Variants in SLC11A2 observed in about 807,000 individuals in gnomAD.
SLC11A2 encodes the protein natural resistance-associated macrophage protein 2.
Under a neutral mutation model 68.0 loss-of-function variants are expected in SLC11A2, and 38 were observed. The observed-to-expected ratio is 0.56, with a 90% CI of 0.43 to 0.73. SLC11A2 has a LOEUF of 0.73. SLC11A2 is among the 30% of genes least tolerant of loss of function. SLC11A2 has a pLI of 0.00. For missense variants in SLC11A2, 517 were observed against 690.5 expected (o/e 0.75, Z 2.82); for synonymous variants, 242 against 250.6 (o/e 0.97, Z 0.32).
chr12:50,982,859 T>C (rs1287591529), downstream of SLC11A2, among the ~76,000 whole-genome samples: 1 of 150,066 alleles, frequency 6.7e-6, no homozygotes, highest in Non-Finnish European at 1.5e-5. Context: ...GAGAAACACT[T>C]GAATCCAGGA....
At chr12:51,021,004 T>C (rs1220489035) in intron 1 of SLC11A2, among the ~76,000 whole-genome samples, 1 of 152,054 alleles carries the variant, frequency 6.6e-6, no homozygotes, top group East Asian at 1.9e-4. Flanking sequence ...GGTGGGAGGA[T>C]CCCTTGAGCC....
chr12:51,017,177 G>C (rs1475591606), intron 1 of SLC11A2, among the ~76,000 whole-genome samples: 1 of 151,632 alleles, frequency 6.6e-6, no homozygotes, highest in Non-Finnish European at 1.5e-5. Context: ...AAGGAAATAT[G>C]TACAAGGATA....
downstream of SLC11A2, among the ~76,000 whole-genome samples, chr12:50,985,193 C>A (rs185584484): frequency 2.0e-5 from 3 of 152,146 alleles, no homozygotes; most frequent in Admixed American, 2.0e-4. Context: ...ATTCATTGGT[C>A]CTACCAATGA....
At chr12:50,991,477 T>A (rs1414358812) in intron 14 of SLC11A2, 122 bp downstream of exon 14, 11 of 768,290 alleles carry the variant, frequency 1.4e-5, no homozygotes, top group Non-Finnish European at 2.5e-5. Context: ...AGGAAGCAGC[T>A]AGCAATCACC....
chr12:50,958,282 C>A, the SLC11A2 span, among the ~76,000 whole-genome samples: 1 of 133,932 alleles, frequency 7.5e-6, no homozygotes, highest in Non-Finnish European at 1.6e-5. Flanking sequence ...CTAAAATAAT[C>A]TTTTTTTTTT....
At chr12:51,028,525 A>T, upstream of SLC11A2, 1 of 314,580 alleles carries the variant, frequency 3.2e-6, no homozygotes, top group Non-Finnish European at 5.8e-6. Flanking sequence ...TGGCAGGAGC[A>T]AGAGTAGGTG....
the SLC11A2 span, among the ~76,000 whole-genome samples, chr12:50,963,395 AAAAGAAAAG>A: frequency 1.4e-5 from 2 of 146,116 alleles, no homozygotes; most frequent in Non-Finnish European, 3.0e-5. Context: ...AAAAAAAAAG[AAAAGAAAAG>A]AAAGGAAAGT....
chr12:50,998,796 T>C (rs1422737481), intron 8 of SLC11A2, among the ~76,000 whole-genome samples: 2 of 152,162 alleles, frequency 1.3e-5, no homozygotes, highest in Admixed American at 1.3e-4. Flanking sequence ...CTGCAATTAA[T>C]ATAAACCAGG....
chr12:50,969,411 T>C, the SLC11A2 span, among the ~76,000 whole-genome samples: 2 of 151,462 alleles, frequency 1.3e-5, no homozygotes, highest in Non-Finnish European at 2.9e-5. Context: ...AGAAATCTCA[T>C]ACGTAAGGCC....
upstream of SLC11A2, among the ~76,000 whole-genome samples, chr12:51,026,771 T>C (rs562531781): frequency 1.3e-5 from 2 of 152,116 alleles, no homozygotes; most frequent in Non-Finnish European, 2.9e-5. Context: ...GGCTCACACT[T>C]GTAATGCCCA....
At chr12:51,018,874 A>G (rs1284804257) in intron 1 of SLC11A2, among the ~76,000 whole-genome samples, 1 of 152,248 alleles carries the variant, frequency 6.6e-6, no homozygotes, top group Non-Finnish European at 1.5e-5. Flanking sequence ...CTAGTCTTAC[A>G]GCTGAAAAGG....
chr12:51,005,783 G>T, intron 3 of SLC11A2: 1 of 935,016 alleles, frequency 1.1e-6, no homozygotes, highest in African/African-American at 1.7e-5. Context: ...GTGCTGTGTG[G>T]TGTGTGCCTA....
At position 51,005,432 on chromosome 12, in the gene SLC11A2, G is replaced by C. The variant is rs764830058; in HGVS notation, c.188C>G (p.Ser63Cys). 9.3e-6 allele frequency: 15 copies of C among 1,613,568 alleles called. No homozygotes were observed. The highest frequency in any genetic ancestry group is 4.0e-5 in the African/African-American group (3 of 74,892). The change falls in exon 4 of 16, where the codon TCT (serine) becomes TGT (cysteine). Residue 63 changes from serine to cysteine, a missense_variant. Physicochemically the swap from Ser to Cys is moderately radical, Grantham distance 112 (BLOSUM62 -1). Coordinates refer to ENST00000262052, the MANE Select transcript of SLC11A2 (RefSeq NM_000617.3). ...CCAGAGTTTACGAAAGCTAAAACAA[G>C]AGTACTGTACAAGAGAGGAAAAGAG... ...EKISIPEEEYSCFSFRKLWAF... is the reference protein window; with the variant it reads ...EKISIPEEEYCCFSFRKLWAF...
the SLC11A2 span, among the ~76,000 whole-genome samples, chr12:50,960,572 GT>G: frequency 0.18 from 27,851 of 152,090 alleles, 2,913 homozygotes; most frequent in East Asian, 0.5. Flanking sequence ...TTTGAAAAAT[GT>G]TCTTTGCTGG....
intron 1 of SLC11A2, among the ~76,000 whole-genome samples, chr12:51,011,552 G>GTTTTTTTTTTTTT (rs772957287): frequency 8.0e-5 from 10 of 125,210 alleles, no homozygotes; most frequent in South Asian, 2.6e-4. Flanking sequence ...TTTATGAGTT[G>GTTTTTTTTTTTTT]TTTTTTTTTG....
At chr12:50,993,711 C>T (rs945772367) in intron 11 of SLC11A2, among the ~76,000 whole-genome samples, 11 of 151,976 alleles carry the variant, frequency 7.2e-5, no homozygotes, top group African/African-American at 2.2e-4. Context: ...ACCTGTAATC[C>T]TATCTACTTG....
chr12:51,012,821 G>T (rs1943339392), intron 1 of SLC11A2, among the ~76,000 whole-genome samples: 2 of 152,114 alleles, frequency 1.3e-5, no homozygotes, highest in African/African-American at 4.8e-5. Flanking sequence ...GCCACCAGAT[G>T]ACTAAACATC....
chr12:51,028,217 C>T, upstream of SLC11A2: 1 of 1,535,592 alleles, frequency 6.5e-7, no homozygotes, highest in Non-Finnish European at 8.7e-7. Context: ...TCAGCTGCTT[C>T]TTCCTCATGG....
At chr12:51,027,146 G>C (rs1944425633), upstream of SLC11A2, among the ~76,000 whole-genome samples, 1 of 149,996 alleles carries the variant, frequency 6.7e-6, no homozygotes, top group South Asian at 2.1e-4. Context: ...TTGCACTCCA[G>C]CCTTGGAAAC....
Sources: allele counts gnomAD v4.1 joint callset (sites outside exome capture counted in the v4.1 genomes callset), GRCh38; gene constraint gnomAD v4.1.1; transcripts MANE v1.5; gene names NCBI Gene and HGNC (gene_info 2026-07-23, HGNC 2026-07-21).